SMAP1: variants seen among roughly 807,000 people sequenced by gnomAD.
SMAP1 encodes the protein stromal membrane-associated protein 1.
SMAP1 carries 24 observed loss-of-function variants against 58.5 expected under a neutral mutation model. The ratio of observed to expected loss-of-function variants is 0.41; its 90% CI spans 0.30 to 0.58. The LOEUF is 0.58. Among genes scored for constraint, SMAP1 ranks in the 20% least tolerant of loss-of-function variants. SMAP1 has a pLI of 0.29. For synonymous variants in SMAP1, 216 were observed against 196.6 expected (o/e 1.10, Z -0.82); for missense variants, 563 against 566.3 (o/e 0.99, Z 0.06).
intron 6 of SMAP1, among the ~76,000 whole-genome samples, chr6:70,799,676 CA>C (rs1768764197): frequency 1.3e-5 from 2 of 152,042 alleles, no homozygotes; most frequent in Admixed American, 1.3e-4. Flanking sequence ...AAAGAAGATC[CA>C]TTCTGCTGTT....
intron 1 of SMAP1, among the ~76,000 whole-genome samples, chr6:70,695,101 A>T (rs1437268802): frequency 2.0e-5 from 3 of 152,140 alleles, no homozygotes; most frequent in East Asian, 3.8e-4. Context: ...TTTGCTCTTG[A>T]CGTAGAAATG....
intron 7 of SMAP1, among the ~76,000 whole-genome samples, chr6:70,838,638 A>G (rs765716434): frequency 1.3e-5 from 2 of 152,082 alleles, no homozygotes; most frequent in East Asian, 3.9e-4. Flanking sequence ...AAGGCTCTTC[A>G]GTAGGAGCCT....
At chr6:70,685,818 G>A (rs1365272226) in intron 1 of SMAP1, among the ~76,000 whole-genome samples, 2 of 152,222 alleles carry the variant, frequency 1.3e-5, no homozygotes, top group African/African-American at 4.8e-5. Context: ...GGATGAAGTA[G>A]AATCGTCCCA....
chr6:70,795,695 T>G (rs1448275094), intron 5 of SMAP1, among the ~76,000 whole-genome samples: 2 of 152,068 alleles, frequency 1.3e-5, no homozygotes, highest in Non-Finnish European at 2.9e-5. Context: ...AACTAATAGC[T>G]CTGAGAGGTT....
intron 4 of SMAP1, among the ~76,000 whole-genome samples, chr6:70,786,082 C>A (rs1323363565): frequency 6.6e-6 from 1 of 152,294 alleles, no homozygotes; most frequent in East Asian, 1.9e-4. Context: ...AATCCAGCAG[C>A]ACATCAAAAA....
At chr6:70,683,615 A>G (rs573520700) in intron 1 of SMAP1, among the ~76,000 whole-genome samples, 3 of 152,166 alleles carry the variant, frequency 2.0e-5, no homozygotes, top group African/African-American at 7.2e-5. Context: ...GACAGCATTC[A>G]TTCTTCTGGG....
At chr6:70,757,435 T>A (rs1383389960) in intron 3 of SMAP1, among the ~76,000 whole-genome samples, 2 of 151,998 alleles carry the variant, frequency 1.3e-5, no homozygotes, top group African/African-American at 4.8e-5. Flanking sequence ...AACCTAGGCA[T>A]CACCATTCAG....
At chr6:70,784,919 C>A (rs935170357) in intron 4 of SMAP1, among the ~76,000 whole-genome samples, 3 of 151,946 alleles carry the variant, frequency 2.0e-5, no homozygotes, top group Admixed American at 1.3e-4. Context: ...ACAAGGATAC[C>A]CAGGAATAGA....
chr6:70,772,355 G>A (rs920266051), intron 3 of SMAP1, among the ~76,000 whole-genome samples: 8 of 152,132 alleles, frequency 5.3e-5, no homozygotes, highest in Non-Finnish European at 8.8e-5. Flanking sequence ...TTGTATTACC[G>A]CCCAGGTAAC....
chr6:70,730,303 C>T (rs1582076178), intron 1 of SMAP1, among the ~76,000 whole-genome samples: 1 of 83,606 alleles, frequency 1.2e-5, no homozygotes, highest in East Asian at 5.9e-4. Flanking sequence ...GTTATCCTCT[C>T]ACCTTGGCTT....
chr6:70,818,925 G>A (rs1266467451), intron 6 of SMAP1, among the ~76,000 whole-genome samples: 2 of 151,842 alleles, frequency 1.3e-5, no homozygotes, highest in African/African-American at 4.8e-5. Context: ...TAGTTCAGTG[G>A]CTTCTCTTAT....
rs548623105 is a variant in SMAP1, at chr6:70,840,457, C to T, written c.664+3429C>T. 2.6e-5 allele frequency among the ~76,000 whole-genome samples: 4 copies of T among 152,196 alleles called. No individual in the cohort carries two copies. In the East Asian group the frequency reaches 7.7e-4, roughly 29 times the overall value. On this transcript the variant is annotated intron_variant, in intron 7 of 10. Coordinates refer to ENST00000370455, the MANE Select transcript of SMAP1 (RefSeq NM_001044305.3). ...GTTGTCCATTTTTTTCCAAGAAGGG[C>T]CAAATAGACATTATTTTTGGCTTTG...
intron 1 of SMAP1, among the ~76,000 whole-genome samples, chr6:70,695,147 A>G (rs1767347553): frequency 6.6e-6 from 1 of 152,170 alleles, no homozygotes; most frequent in African/African-American, 2.4e-5. Flanking sequence ...GTATCCTGCA[A>G]CCTTACTGAA....
At chr6:70,800,764 G>A (rs1768809058) in intron 6 of SMAP1, among the ~76,000 whole-genome samples, 1 of 151,912 alleles carries the variant, frequency 6.6e-6, no homozygotes, top group Non-Finnish European at 1.5e-5. Context: ...AGAACATGTG[G>A]TGTTTGACTT....
Position 70,861,874 on chromosome 6 carries a change from T to A in SMAP1, c.*1540T>A. On this transcript the variant is annotated 3_prime_UTR_variant, in exon 11 of 11. Coordinates refer to ENST00000370455, the MANE Select transcript of SMAP1 (RefSeq NM_001044305.3). Reference sequence around the variant, plus strand: ...TTCGGTTCCAGTTCTTCGACTGTTGTTATCTGTTTGAGAAAGTCAGATTCT... The same window carrying A: ...TTCGGTTCCAGTTCTTCGACTGTTGATATCTGTTTGAGAAAGTCAGATTCT... 6.2e-7 allele frequency: 1 copy of A among 1,614,122 alleles called. No homozygotes were observed. The highest frequency in any genetic ancestry group is 1.1e-5 in the South Asian group (1 of 91,090).
At chr6:70,751,916 T>A (rs2149885829) in intron 2 of SMAP1, among the ~76,000 whole-genome samples, 1 of 152,294 alleles carries the variant, frequency 6.6e-6, no homozygotes, top group Non-Finnish European at 1.5e-5. Flanking sequence ...CCTGTTTTTT[T>A]GCAACCAGTC....
At chr6:70,817,535 C>A (rs1284811717) in intron 6 of SMAP1, among the ~76,000 whole-genome samples, 1 of 152,080 alleles carries the variant, frequency 6.6e-6, no homozygotes, top group Non-Finnish European at 1.5e-5. Flanking sequence ...AAGGTCTTCC[C>A]CTTCATTAAA....
intron 1 of SMAP1, among the ~76,000 whole-genome samples, chr6:70,731,452 T>C (rs1215973816): frequency 2.0e-5 from 3 of 152,222 alleles, no homozygotes; most frequent in Non-Finnish European, 4.4e-5. Flanking sequence ...GTATTATATG[T>C]TACTGAAACA....
intron 1 of SMAP1, among the ~76,000 whole-genome samples, chr6:70,716,231 T>C (rs573003236): frequency 6.6e-5 from 10 of 152,344 alleles, no homozygotes; most frequent in African/African-American, 2.4e-4. Flanking sequence ...CTCACCATAA[T>C]GTAAAATCAG....
Sources: gnomAD v4.1 joint callset for allele counts (sites outside exome capture counted in the v4.1 genomes callset) on GRCh38, gnomAD v4.1.1 for gene constraint, MANE v1.5 for transcripts, NCBI Gene and HGNC (gene_info 2026-07-23, HGNC 2026-07-21) for gene names.